Variants in ZNF354C observed in about 807,000 individuals in gnomAD.
ZNF354C encodes KRAB-zinc finger protein synten.
ZNF354C carries 7 observed loss-of-function variants against 12.4 expected under a neutral mutation model. The observed-to-expected ratio is 0.56, with a 90% CI of 0.32 to 1.06. ZNF354C has a LOEUF of 1.06. Among genes scored for constraint, ZNF354C ranks in the 50% least tolerant of loss-of-function variants. ZNF354C has a pLI of 0.04. For synonymous variants in ZNF354C, 202 were observed against 224.5 expected, an observed-to-expected ratio of 0.90 and a Z score of 0.90; for missense variants, 609 against 658.0, an observed-to-expected ratio of 0.93 and a Z score of 0.81.
chr5:179,082,114 C>CGAT lies in ZNF354C; in HGVS notation c.*2019_*2021dup, dbSNP rs1300113460. 1 of 152,176 alleles carries CGAT rather than the reference C, an allele frequency of 6.6e-6. No homozygotes were observed. The highest frequency in any genetic ancestry group is 2.4e-5 in the African/African-American group (1 of 41,400). 9.4% of individuals were successfully genotyped at this position (152,176 alleles called of 1,614,324 possible). Reference sequence around the variant, plus strand: ...TAATGTAATTAAATCTGGCAAAAATCGATGGTAAAACCCATTAAGTGGAAA... The same window carrying CGAT: ...TAATGTAATTAAATCTGGCAAAAATCGATGATGGTAAAACCCATTAAGTGGAAA... On this transcript the variant is annotated 3_prime_UTR_variant, in exon 5 of 5. Transcript: ENST00000315475.
In ZNF354C at chr5:179,078,804, T is replaced by G; in HGVS notation, c.372T>G (p.Phe124Leu). ...AGGATGGTCACTGGGACATTAACTTTGAAGAAGCTGTGGAATTTGAGAGCG... is the reference window on the plus strand; with the variant it reads ...AGGATGGTCACTGGGACATTAACTTGGAAGAAGCTGTGGAATTTGAGAGCG... The part of the protein sequence containing the change: ...SIKDGHWDIN[F>L]EEAVEFESEI... The change falls in exon 5 of 5, where the codon TTT (phenylalanine) becomes TTG (leucine). Residue 124 changes from phenylalanine to leucine, a missense_variant. Coordinates refer to ENST00000315475, the MANE Select transcript of ZNF354C (RefSeq NM_014594.3). 6.2e-7 allele frequency: 1 copy of G among 1,614,098 alleles called. No homozygotes were observed. Among genetic ancestry groups the G allele is most frequent in the Non-Finnish European group, 8.5e-7 (1 of 1,180,000 alleles).
At chr5:179,062,812 CT>C (rs1262426371) in intron 2 of ZNF354C, among the ~76,000 whole-genome samples, 1 of 152,178 alleles carries the variant, frequency 6.6e-6, no homozygotes. Context: ...CTATTTCCTT[CT>C]CTGATTCTTT....
Position 179,078,913 on chromosome 5 carries a change from A to G in ZNF354C, c.481A>G (p.Thr161Ala), listed in dbSNP as rs1188207156. Residue 161 changes from threonine (T) to alanine (A), a missense_variant, in exon 5 of 5, where the codon ACA becomes GCA. Coordinates refer to ENST00000315475, the MANE Select transcript of ZNF354C (RefSeq NM_014594.3). ...AACCATCAGTGAAGATGGAAACCAT[A>G]CAAGTCTTGAATTGGGGAAAAGCTT... is the stretch of plus-strand genomic sequence containing the variant. ...EKTISEDGNHTSLELGKSLFT... is the reference protein window; with the variant it reads ...EKTISEDGNHASLELGKSLFT... 1.9e-6 allele frequency: 3 copies of G among 1,614,172 alleles called. No individual in the cohort carries two copies. The highest frequency in any genetic ancestry group is 2.2e-5 in the East Asian group (1 of 44,868).
At chr5:179,077,822 T>TC (rs1762146347) in intron 4 of ZNF354C, among the ~76,000 whole-genome samples, 1 of 150,186 alleles carries the variant, frequency 6.7e-6, no homozygotes, top group South Asian at 2.2e-4. Context: ...TTTTTTTTTT[T>TC]TTTTTTGAGA....
chr5:179,080,003 A>T lies in ZNF354C; in HGVS notation c.1571A>T (p.Tyr524Phe), dbSNP rs149489106. 6.2e-7 allele frequency: 1 copy of T among 1,613,848 alleles called. No individual in the cohort carries two copies. Among genetic ancestry groups the T allele is most frequent in the Non-Finnish European group, 8.5e-7 (1 of 1,179,938 alleles). The change falls in exon 5 of 5, where the codon TAT becomes TTT. Residue 524 changes from tyrosine (Y) to phenylalanine (F), a missense_variant. Tyr to Phe is a conservative substitution (Grantham distance 22). Transcript: ENST00000315475. ...HKKVHTKEKL[Y>F]KWKEYGKPFI... ...AAAGTTCACACGAAAGAGAAACTCT[A>T]TAAGTGGAAGGAATATGGGAAACCT...
chr5:179,076,640 G>A (rs1035226010), intron 3 of ZNF354C, 69 bp downstream of exon 3: 167 of 1,579,048 alleles, frequency 1.1e-4, no homozygotes, highest in Non-Finnish European at 1.4e-4. Context: ...TTGGGGTTCC[G>A]AGCCTGTGGT....
intron 2 of ZNF354C, among the ~76,000 whole-genome samples, chr5:179,073,983 GTTGTT>G (rs2113118912): frequency 6.6e-6 from 1 of 151,350 alleles, no homozygotes; most frequent in African/African-American, 2.4e-5. Flanking sequence ...TTTTGTTGTT[GTTGTT>G]TTGTTTGTTT....
chr5:179,078,600 C>T, intron 4 of ZNF354C, 83 bp from the exon 5 acceptor site: 4 of 1,058,254 alleles, frequency 3.8e-6, no homozygotes. Context: ...TTCATATATA[C>T]TGTTACCAGT....
chr5:179,077,773 T>C (rs1561751437), intron 4 of ZNF354C, among the ~76,000 whole-genome samples: 1 of 151,902 alleles, frequency 6.6e-6, no homozygotes, highest in Non-Finnish European at 1.5e-5. Flanking sequence ...GCTGCAGGGC[T>C]GTTGTGATTT....
Position 179,079,782 on chromosome 5 carries a change from T to C in ZNF354C, c.1350T>C (p.Gly450=). The C allele has an allele frequency of 6.2e-7, 1 of 1,613,828 alleles. No homozygotes were observed. The highest frequency in any genetic ancestry group is 8.5e-7 in the Non-Finnish European group (1 of 1,179,938). Residue 450 remains glycine (G), a synonymous_variant, in exon 5 of 5, where the codon GGT becomes GGC. Coordinates refer to ENST00000315475, the MANE Select transcript of ZNF354C (RefSeq NM_014594.3). The surrounding 1 kb of genome is among the most constrained non-coding windows in gnomAD (Gnocchi z 4.2). ...YTCEECGKAF[G]CKSNLYRHQR... ...GTGAGGAATGTGGGAAAGCCTTTGG[T>C]TGCAAATCTAACCTTTATAGGCATC...
intron 2 of ZNF354C, among the ~76,000 whole-genome samples, chr5:179,069,835 C>T (rs972767671): frequency 1.3e-5 from 2 of 152,194 alleles, no homozygotes; most frequent in Non-Finnish European, 2.9e-5. Flanking sequence ...CCCTGCACTC[C>T]AGCCTGGGCG....
intron 2 of ZNF354C, among the ~76,000 whole-genome samples, chr5:179,063,516 T>C (rs1761920125): frequency 6.6e-6 from 1 of 152,206 alleles, no homozygotes; most frequent in Non-Finnish European, 1.5e-5. Context: ...GCTATGATTG[T>C]GCCACTGCAC....
At chr5:179,078,617 G>T in intron 4 of ZNF354C, 66 bp from the exon 5 acceptor site, 2 of 1,302,204 alleles carry the variant, frequency 1.5e-6, no homozygotes, top group Admixed American at 2.3e-5. Context: ...CAGTTTTTTT[G>T]TCTCACCGAT....
chr5:179,063,491 C>T (rs116804222), intron 2 of ZNF354C, among the ~76,000 whole-genome samples: 134 of 152,272 alleles, frequency 8.8e-4, no homozygotes, highest in African/African-American at 3.1e-3. Flanking sequence ...CCCAGGAATT[C>T]GAGGCTGCAA....
chr5:179,079,178 G>A lies in ZNF354C; in HGVS notation c.746G>A (p.Cys249Tyr). ...TGEKPYKCNE[C>Y]EKTFSHRSSL... ...GAGAAACCCTACAAATGTAATGAGTGTGAAAAAACCTTCAGCCACAGATCA... is the reference window on the plus strand; with the variant it reads ...GAGAAACCCTACAAATGTAATGAGTATGAAAAAACCTTCAGCCACAGATCA... The change falls in exon 5 of 5, where the codon TGT becomes TAT. Residue 249 changes from cysteine to tyrosine, a missense_variant. Physicochemically the swap from Cys to Tyr is radical, Grantham distance 194. Coordinates refer to ENST00000315475, the MANE Select transcript of ZNF354C (RefSeq NM_014594.3). This position sits in a 1 kb window ranked among gnomAD's most constrained non-coding sequence, Gnocchi z 4.2. 1 of 1,613,842 alleles carries A rather than the reference G, an allele frequency of 6.2e-7. No individual in the cohort carries two copies. Among genetic ancestry groups the A allele is most frequent in the Non-Finnish European group, 8.5e-7 (1 of 1,179,982 alleles).
At chr5:179,069,075 G>A (rs1762001523) in intron 2 of ZNF354C, among the ~76,000 whole-genome samples, 1 of 152,130 alleles carries the variant, frequency 6.6e-6, no homozygotes, top group Non-Finnish European at 1.5e-5. Context: ...CATAGGGGTG[G>A]AAGCCAAAAA....
At position 179,079,033 on chromosome 5, in the gene ZNF354C, T is replaced by G. The variant is rs183327912; in HGVS notation, c.601T>G (p.Phe201Val). 8 of 1,613,032 alleles carry G rather than the reference T, an allele frequency of 5.0e-6. No homozygotes were observed. Among genetic ancestry groups the G allele is most frequent in the East Asian group, 2.2e-5 (1 of 44,866 alleles). Residue 201 changes from phenylalanine (F) to valine (V), a missense_variant, in exon 5 of 5, where the codon TTT becomes GTT. Phe to Val is a conservative substitution (Grantham distance 50). Transcript: ENST00000315475. The surrounding 1 kb of genome is among the most constrained non-coding windows in gnomAD (Gnocchi z 4.2). Reference protein sequence around the residue: ...YTFGKDFKQNFDLMKCFQIYP... With the variant: ...YTFGKDFKQNVDLMKCFQIYP... ...ATTTGGGAAAGATTTTAAACAGAAT[T>G]TTGATCTCATGAAATGCTTCCAGAT...
intron 2 of ZNF354C, among the ~76,000 whole-genome samples, chr5:179,063,357 T>G (rs1384482312): frequency 6.6e-6 from 1 of 152,180 alleles, no homozygotes; most frequent in Non-Finnish European, 1.5e-5. Flanking sequence ...CCCAGAAGTT[T>G]GAGACCAACC....
chr5:179,078,301 A>T (rs1762158432), intron 4 of ZNF354C, among the ~76,000 whole-genome samples: 1 of 152,182 alleles, frequency 6.6e-6, no homozygotes, highest in Non-Finnish European at 1.5e-5. Flanking sequence ...TGCCTACTTC[A>T]TTGCCTGGTA....
Sources: allele counts gnomAD v4.1 joint callset (sites outside exome capture counted in the v4.1 genomes callset), GRCh38; gene constraint gnomAD v4.1.1; non-coding constraint Gnocchi (gnomAD v3.1); transcripts MANE v1.5; gene names NCBI Gene and HGNC (gene_info 2026-07-23, HGNC 2026-07-21).